The following GSDMC variants were observed in gnomAD, a reference collection of about 807,000 sequenced individuals.
GSDMC encodes the protein gasdermin C, also known as gasdermin-C.
A neutral mutation model predicts 58.0 loss-of-function variants in GSDMC; 59 were observed. The ratio of observed to expected loss-of-function variants is 1.02; its 90% CI spans 0.82 to 1.26. The LOEUF is 1.26. Ranked by LOEUF, GSDMC falls within the 50% of genes most tolerant of loss-of-function variation. The pLI, the probability that GSDMC is intolerant of heterozygous loss-of-function variation, is 0.00. For synonymous variants in GSDMC, 241 were observed against 220.2 expected (o/e 1.09, Z -0.83); for missense variants, 659 against 598.5 (o/e 1.10, Z -1.06).
intron 7 of GSDMC, 42 bp downstream of exon 7, chr8:129,752,656 G>C (rs780785775): frequency 6.2e-7 from 1 of 1,608,584 alleles, no homozygotes; most frequent in Non-Finnish European, 8.5e-7. Context: ...ACAAAGAAAA[G>C]CATCAACATA....
chr8:129,743,117 T>C, the GSDMC span, among the ~76,000 whole-genome samples: 1 of 152,178 alleles, frequency 6.6e-6, no homozygotes, highest in African/African-American at 2.4e-5. Context: ...CTGTTCAGAG[T>C]TCACCAAGCC....
In GSDMC at chr8:129,748,629, G is replaced by A. The variant is rs771010578; in HGVS notation, c.1399C>T (p.Leu467=). The A allele has an allele frequency of 6.2e-7, 1 of 1,612,594 alleles. No individual in the cohort carries two copies. Among genetic ancestry groups the A allele is most frequent in the Admixed American group, 1.7e-5 (1 of 59,798 alleles). ...QSEGLAITYG[L]LEECGLRMEL... ...ATCCTAAGGCCACACTCCTCCAGCA[G>A]GCCATAGGTGATGGCCAAACCCTCA... The change falls in exon 14 of 14, where the codon CTG becomes TTG. Residue 467 remains leucine, a synonymous_variant. Coordinates refer to ENST00000276708, the MANE Select transcript of GSDMC (RefSeq NM_031415.3).
the GSDMC span, among the ~76,000 whole-genome samples, chr8:129,713,465 G>A: frequency 3.1e-4 from 47 of 152,246 alleles, no homozygotes; most frequent in East Asian, 3.9e-3. Flanking sequence ...AGACAGCCAC[G>A]CTTTGCCATT....
chr8:129,741,393 T>C, the GSDMC span, among the ~76,000 whole-genome samples: 3 of 152,192 alleles, frequency 2.0e-5, no homozygotes, highest in Admixed American at 6.5e-5. Flanking sequence ...TATTAGAATT[T>C]TGATAAGAAT....
intron 3 of GSDMC, 112 bp downstream of exon 3, chr8:129,775,990 A>G: frequency 1.2e-6 from 1 of 821,126 alleles, no homozygotes; most frequent in South Asian, 1.8e-5. Context: ...CTGGGCTGTC[A>G]TCATCTTGAT....
intron 1 of GSDMC, among the ~76,000 whole-genome samples, chr8:129,778,704 C>T (rs1159309916): frequency 1.3e-5 from 2 of 151,460 alleles, no homozygotes; most frequent in African/African-American, 2.4e-5. Context: ...TTTTTGCAAA[C>T]TACGAATCTG....
At chr8:129,706,342 C>T in the GSDMC span, among the ~76,000 whole-genome samples, 2 of 152,164 alleles carry the variant, frequency 1.3e-5, no homozygotes, top group Admixed American at 1.3e-4. Context: ...AAAAAAAGCA[C>T]ATTTTAACAG....
chr8:129,734,199 T>C, the GSDMC span, among the ~76,000 whole-genome samples: 17 of 152,312 alleles, frequency 1.1e-4, no homozygotes, highest in African/African-American at 4.1e-4. Flanking sequence ...CTACATTTGA[T>C]TGGTGTACCT....
chr8:129,710,280 G>A, the GSDMC span, among the ~76,000 whole-genome samples: 1 of 152,146 alleles, frequency 6.6e-6, no homozygotes, highest in Non-Finnish European at 1.5e-5. Context: ...ATGAATTATT[G>A]AATGAATGAG....
intron 11 of GSDMC, 110 bp from the exon 12 acceptor site, chr8:129,750,229 C>T: frequency 9.4e-7 from 1 of 1,066,094 alleles, no homozygotes; most frequent in Non-Finnish European, 1.3e-6. Flanking sequence ...GGTTCTCTAC[C>T]TCCCCCAGGG....
the GSDMC span, among the ~76,000 whole-genome samples, chr8:129,722,759 C>A: frequency 6.6e-6 from 1 of 152,118 alleles, no homozygotes; most frequent in Non-Finnish European, 1.5e-5. Flanking sequence ...CATATGTTAA[C>A]CCAGAGTCTT....
In GSDMC at chr8:129,748,861, G is replaced by A. The variant is rs866108666; in HGVS notation, c.1288-121C>T. The A allele has an allele frequency of 3.9e-5, 27 of 696,208 alleles. No homozygotes were observed. In the South Asian group the frequency reaches 6.5e-4, roughly 17 times the overall value. 43.1% of individuals were successfully genotyped at this position (696,208 alleles called of 1,614,324 possible). On this transcript the variant is annotated intron_variant, in intron 13 of 13. Coordinates refer to ENST00000276708, the MANE Select transcript of GSDMC (RefSeq NM_031415.3). ...AGGAGCAAGAGCTTTGGGATCCAGCGGACCAGGAGTAACATGCTGGTCATA... is the reference window on the plus strand; with the variant it reads ...AGGAGCAAGAGCTTTGGGATCCAGCAGACCAGGAGTAACATGCTGGTCATA...
the GSDMC span, among the ~76,000 whole-genome samples, chr8:129,733,447 C>G: frequency 3.3e-5 from 5 of 152,192 alleles, no homozygotes; most frequent in African/African-American, 1.2e-4. Context: ...GGATGCCCCT[C>G]TGGGATGAAA....
chr8:129,735,862 C>G, the GSDMC span, among the ~76,000 whole-genome samples: 1 of 152,098 alleles, frequency 6.6e-6, no homozygotes, highest in African/African-American at 2.4e-5. Flanking sequence ...TCAATGAATC[C>G]AGGAACTTGT....
the GSDMC span, among the ~76,000 whole-genome samples, chr8:129,710,224 C>T: frequency 2.5e-4 from 38 of 152,226 alleles, no homozygotes; most frequent in East Asian, 6.7e-3. Flanking sequence ...GCATGCAGCA[C>T]AGTACAGTGC....
chr8:129,718,637 A>T, the GSDMC span, among the ~76,000 whole-genome samples: 15 of 152,182 alleles, frequency 9.9e-5, no homozygotes, highest in Admixed American at 3.3e-4. Flanking sequence ...TTCCTCAAGG[A>T]TCTAGAACCA....
chr8:129,766,580 C>T (rs1016821716), intron 3 of GSDMC, among the ~76,000 whole-genome samples: 1 of 152,182 alleles, frequency 6.6e-6, no homozygotes, highest in Non-Finnish European at 1.5e-5. Context: ...GTGACATCTA[C>T]TTATCTTCCA....
intron 1 of GSDMC, among the ~76,000 whole-genome samples, chr8:129,779,810 C>A (rs1374390229): frequency 6.6e-6 from 1 of 151,962 alleles, no homozygotes; most frequent in Non-Finnish European, 1.5e-5. Flanking sequence ...CCCAGAGAGA[C>A]AGAAATATGT....
At chr8:129,778,302 A>G (rs972596187) in intron 1 of GSDMC, among the ~76,000 whole-genome samples, 3 of 152,192 alleles carry the variant, frequency 2.0e-5, no homozygotes, top group African/African-American at 7.2e-5. Context: ...AGATGAGGTC[A>G]GAAGAAAGTG....
Sources: allele counts gnomAD v4.1 joint callset (sites outside exome capture counted in the v4.1 genomes callset), GRCh38; gene constraint gnomAD v4.1.1; transcripts MANE v1.5; gene names NCBI Gene and HGNC (gene_info 2026-07-23, HGNC 2026-07-21).